DOCK4: variants seen among roughly 807,000 people sequenced by gnomAD.
The protein encoded by DOCK4 is dedicator of cytokinesis 4.
Under a neutral mutation model 268.1 loss-of-function variants are expected in DOCK4, and 97 were observed. That is an observed-to-expected ratio of 0.36 (90% CI 0.31 to 0.43). DOCK4 has a LOEUF of 0.43. DOCK4 is among the 20% of genes least tolerant of loss of function. The pLI is 1.00. For synonymous variants in DOCK4, 954 were observed against 887.2 expected (o/e 1.08, Z -1.34); for missense variants, 2,145 against 2,455.7 (o/e 0.87, Z 2.67).
intron 40 of DOCK4, among the ~76,000 whole-genome samples, chr7:111,759,545 G>C (rs535734420): frequency 6.6e-6 from 1 of 152,246 alleles, no homozygotes; most frequent in South Asian, 2.1e-4. Context: ...AGTTTTAAAA[G>C]TGTTTTTTAA....
intron 22 of DOCK4, among the ~76,000 whole-genome samples, chr7:111,867,567 C>T (rs1196357230): frequency 6.6e-6 from 1 of 152,158 alleles, no homozygotes; most frequent in Non-Finnish European, 1.5e-5. Flanking sequence ...TAAAACAAAA[C>T]AACATGCAGC....
intron 1 of DOCK4, among the ~76,000 whole-genome samples, chr7:112,127,416 G>A (rs556689072): frequency 8.9e-6 from 1 of 111,990 alleles, no homozygotes; most frequent in Non-Finnish European, 1.8e-5. Context: ...GTTGTGGGGT[G>A]GGGGGAGGGG....
At chr7:111,785,130 T>C (rs1216674150) in intron 32 of DOCK4, among the ~76,000 whole-genome samples, 1 of 152,148 alleles carries the variant, frequency 6.6e-6, no homozygotes, top group East Asian at 1.9e-4. Flanking sequence ...TGTGCATCCC[T>C]CATCCTGTTT....
At position 111,734,927 on chromosome 7, in the gene DOCK4, T is replaced by C. The variant is rs553760847; in HGVS notation, c.5419+127A>G. On this transcript the variant is annotated intron_variant, in intron 51 of 52. Coordinates refer to ENST00000428084, the MANE Select transcript of DOCK4 (RefSeq NM_001363540.2). The stretch of plus-strand genomic sequence containing the variant: ...GAGGGAGACAATTGTCAAGGAATTA[T>C]GCAGCTACTAAGGTTTTTATCCCAG... The C allele has an allele frequency of 4.1e-3, 2,944 of 712,636 alleles. 8 individuals carry two copies. The highest frequency in any genetic ancestry group is 5.5e-3 in the Non-Finnish European group (2,285 of 413,132). 44.1% of individuals were successfully genotyped at this position (712,636 alleles called of 1,614,324 possible).
At chr7:111,841,098 C>T (rs1472091338) in intron 25 of DOCK4, among the ~76,000 whole-genome samples, 1 of 152,130 alleles carries the variant, frequency 6.6e-6, no homozygotes. Flanking sequence ...AACACCTTTA[C>T]AGATTTGATG....
At chr7:111,769,129 T>G (rs951497936) in intron 37 of DOCK4, among the ~76,000 whole-genome samples, 6 of 152,150 alleles carry the variant, frequency 3.9e-5, no homozygotes, top group African/African-American at 1.4e-4. Context: ...AAATTTCTGT[T>G]GTTTATAAGC....
intron 1 of DOCK4, among the ~76,000 whole-genome samples, chr7:112,067,915 T>G (rs1476919968): frequency 6.6e-6 from 1 of 152,212 alleles, no homozygotes; most frequent in African/African-American, 2.4e-5. Context: ...TGAAAGATAT[T>G]GAATAACTTA....
In DOCK4 at chr7:112,204,572, G is replaced by A. The variant is rs772368989; in HGVS notation, c.37+1530C>T. Among the ~76,000 whole-genome samples the A allele has an allele frequency of 2.0e-5, 3 of 152,196 alleles. No homozygotes were observed. The South Asian group carries it at 6.2e-4, about 32-fold the overall frequency. On this transcript the variant is annotated intron_variant, in intron 1 of 52. Transcript: ENST00000428084. Reference sequence around the variant, plus strand: ...CTGGCAAAGACTCCTCTGACACTTTGAAGGAGGGAAAGCTGGAAACCTTTC... The same window carrying A: ...CTGGCAAAGACTCCTCTGACACTTTAAAGGAGGGAAAGCTGGAAACCTTTC...
At chr7:112,133,417 A>C (rs1367643133) in intron 1 of DOCK4, among the ~76,000 whole-genome samples, 1 of 152,174 alleles carries the variant, frequency 6.6e-6, no homozygotes, top group Non-Finnish European at 1.5e-5. Context: ...CTTTGCCTGA[A>C]TGAAAAAAAG....
rs960544907 is a variant in DOCK4 at position 111,846,932 on chromosome 7, A to G, written c.2601+67T>C. 5.3e-6 allele frequency: 8 copies of G among 1,515,066 alleles called. 1 individual carries two copies. The South Asian group carries it at 8.1e-5, about 15-fold the overall frequency. The allele number at this position is 1,515,066 out of a possible 1,614,324, so 93.9% of individuals were successfully genotyped here. On this transcript the variant is annotated intron_variant, in intron 24 of 52. Transcript: ENST00000428084. ...CCTCTTTAGTGCGGTTTCTTTGTAG[A>G]CTATTACAAGTTTATTTCCAGAAGC...
At chr7:112,048,389 C>CAAAAA (rs59810546) in intron 1 of DOCK4, among the ~76,000 whole-genome samples, 2 of 72,130 alleles carry the variant, frequency 2.8e-5, no homozygotes, top group East Asian at 3.8e-4. Flanking sequence ...ACTAAAAATA[C>CAAAAA]AAAAAAAAAA....
intron 1 of DOCK4, among the ~76,000 whole-genome samples, chr7:112,080,693 G>A (rs74515404): frequency 0.027 from 4,070 of 152,262 alleles, 203 homozygotes; most frequent in African/African-American, 0.093. Context: ...ACCTCTGTTA[G>A]ATGTGGATGA....
In DOCK4 at chr7:111,728,456, C is replaced by T. The variant is rs1183688992; in HGVS notation, c.5746G>A (p.Glu1916Lys). The change falls in exon 53 of 53, where the codon GAG becomes AAG. Residue 1916 changes from glutamate (E) to lysine (K), a missense_variant. Physicochemically the swap from Glu to Lys is moderately conservative, Grantham distance 56 (BLOSUM62 1). This residue lies in a region of DOCK4 where 547 missense variants were observed against 469.0 expected (regional missense o/e 1.17). Coordinates refer to ENST00000428084, the MANE Select transcript of DOCK4 (RefSeq NM_001363540.2). ...SKTPPPYSVY[E>K]RTLRRPVPLP... ...GGGACGGGGCGCCGCAGAGTCCGCT[C>T]GTAGACGCTGTACGGGGGCGGAGTC... The T allele has an allele frequency of 3.1e-6, 5 of 1,608,108 alleles. No homozygotes were observed. The highest frequency in any genetic ancestry group is 4.2e-6 in the Non-Finnish European group (5 of 1,177,150).
chr7:111,945,958 A>G (rs1220214637), intron 8 of DOCK4, among the ~76,000 whole-genome samples, 160 bp from the exon 9 acceptor site: 4 of 152,238 alleles, frequency 2.6e-5, no homozygotes, highest in Non-Finnish European at 4.4e-5. Context: ...AAGACAACAA[A>G]TATTTGCTTC....
chr7:112,003,676 C>T (rs770320587), intron 2 of DOCK4, among the ~76,000 whole-genome samples: 94 of 152,294 alleles, frequency 6.2e-4, no homozygotes, highest in African/African-American at 2.0e-3. Context: ...CATCTGGCTA[C>T]TCAACCTCAG....
intron 1 of DOCK4, among the ~76,000 whole-genome samples, chr7:112,055,064 T>C (rs1805693211): frequency 1.3e-5 from 2 of 152,240 alleles, no homozygotes; most frequent in South Asian, 4.1e-4. Flanking sequence ...AATAAGGTCT[T>C]AGAAACTGCG....
At chr7:111,857,712 C>T (rs6466388) in intron 23 of DOCK4, among the ~76,000 whole-genome samples, 4,240 of 152,202 alleles carry the variant, frequency 0.028, 202 homozygotes, top group African/African-American at 0.096. Context: ...TCGCGAAGTC[C>T]GGCAGACCCT....
At chr7:111,897,065 A>G (rs1479779030) in intron 15 of DOCK4, among the ~76,000 whole-genome samples, 13 of 152,144 alleles carry the variant, frequency 8.5e-5, no homozygotes, top group Non-Finnish European at 2.9e-5. Context: ...CTTCCTACGC[A>G]TGACCATAGC....
At chr7:111,905,318 C>T (rs1266292726) in intron 13 of DOCK4, among the ~76,000 whole-genome samples, 1 of 152,092 alleles carries the variant, frequency 6.6e-6, no homozygotes, top group African/African-American at 2.4e-5. Flanking sequence ...TTTATTAACA[C>T]CTCATACCTC....
Sources: gnomAD v4.1 joint callset for allele counts (sites outside exome capture counted in the v4.1 genomes callset) on GRCh38, gnomAD v4.1.1 for gene constraint, gnomAD v4.1.1 regional missense constraint, MANE v1.5 for transcripts, NCBI Gene and HGNC (gene_info 2026-07-23, HGNC 2026-07-21) for gene names.